The following HS6ST3 variants were observed in gnomAD, a reference collection of about 807,000 sequenced individuals.
HS6ST3 encodes heparan sulfate 6-O-sulfotransferase 3, also known as heparan-sulfate 6-O-sulfotransferase 3.
Under a neutral mutation model 36.7 loss-of-function variants are expected in HS6ST3, and 12 were observed. The ratio of observed to expected loss-of-function variants is 0.33; its 90% CI spans 0.21 to 0.53. HS6ST3 has a LOEUF of 0.53. HS6ST3 is among the 20% of genes least tolerant of loss of function. The pLI is 0.95. For missense variants in HS6ST3, 584 were observed against 640.9 expected, an observed-to-expected ratio of 0.91 and a Z score of 0.96; for synonymous variants, 240 against 257.5, an observed-to-expected ratio of 0.93 and a Z score of 0.65.
At chr13:96,215,354 G>GA (rs2054419679) in intron 1 of HS6ST3, among the ~76,000 whole-genome samples, 1 of 152,196 alleles carries the variant, frequency 6.6e-6, no homozygotes, top group African/African-American at 2.4e-5. Flanking sequence ...AGCTTGGAGA[G>GA]AAAATCATTG....
chr13:96,185,525 C>T (rs983357007), intron 1 of HS6ST3, among the ~76,000 whole-genome samples: 3 of 152,200 alleles, frequency 2.0e-5, no homozygotes, highest in Non-Finnish European at 4.4e-5. Context: ...TGTGCCACAG[C>T]TGAGGGCAGA....
chr13:96,273,696 C>A (rs139551830), intron 1 of HS6ST3, among the ~76,000 whole-genome samples: 3 of 150,328 alleles, frequency 2.0e-5, no homozygotes, highest in Non-Finnish European at 4.4e-5. Flanking sequence ...GTGCAAGTAT[C>A]GGTTAGGTTT....
At chr13:96,117,348 T>C (rs571335996) in intron 1 of HS6ST3, among the ~76,000 whole-genome samples, 1 of 152,192 alleles carries the variant, frequency 6.6e-6, no homozygotes, top group South Asian at 2.1e-4. Flanking sequence ...ATAACAAAAA[T>C]CATAATAAGT....
chr13:96,641,085 G>T (rs1017366355), intron 1 of HS6ST3, among the ~76,000 whole-genome samples: 2 of 151,834 alleles, frequency 1.3e-5, no homozygotes, highest in Admixed American at 1.3e-4. Context: ...TCCTAGTTAT[G>T]TGTGAAATAA....
At chr13:96,793,800 C>A (rs1002261990) in intron 1 of HS6ST3, among the ~76,000 whole-genome samples, 4 of 151,970 alleles carry the variant, frequency 2.6e-5, no homozygotes, top group African/African-American at 9.7e-5. Flanking sequence ...TTAGAGTCTG[C>A]TACATCCTGG....
chr13:96,810,623 G>C (rs541975382), intron 1 of HS6ST3, among the ~76,000 whole-genome samples: 1 of 152,346 alleles, frequency 6.6e-6, no homozygotes, highest in East Asian at 1.9e-4. Flanking sequence ...GTTCAAGTAA[G>C]TGGTGTCAAA....
intron 1 of HS6ST3, among the ~76,000 whole-genome samples, chr13:96,395,915 G>A (rs1000609343): frequency 6.6e-6 from 1 of 151,926 alleles, no homozygotes; most frequent in South Asian, 2.1e-4. Flanking sequence ...AGAAAGAGGT[G>A]GAAGAATGAA....
At chr13:96,764,570 A>G (rs908208067) in intron 1 of HS6ST3, among the ~76,000 whole-genome samples, 2 of 152,232 alleles carry the variant, frequency 1.3e-5, no homozygotes, top group Non-Finnish European at 2.9e-5. Flanking sequence ...GTAGATGGGC[A>G]GGATGGTCTT....
chr13:96,775,962 C>G (rs1437077726), intron 1 of HS6ST3, among the ~76,000 whole-genome samples: 2 of 151,978 alleles, frequency 1.3e-5, no homozygotes, highest in Non-Finnish European at 2.9e-5. Context: ...TCAGCAAGTG[C>G]AAAAGAATGG....
In HS6ST3 at chr13:96,136,682, C is replaced by CATATATATAT. The variant is rs56247662; in HGVS notation, c.707+45141_707+45150dup. Among the ~76,000 whole-genome samples the CATATATATAT allele has an allele frequency of 9.1e-3, 1,186 of 130,160 alleles. 20 individuals carry two copies. The highest frequency in any genetic ancestry group is 0.011 in the Non-Finnish European group (683 of 61,006). The allele number at this position is 130,160 out of a possible 152,430, so 85.4% of individuals were successfully genotyped here. A position where few individuals can be genotyped will look rare whatever the true frequency, so the allele number is the denominator to read the frequency against. ...AGGTATACAGCATGATGTTATGAAACATATATATATATATATATATATATA... is the reference window on the plus strand; with the variant it reads ...AGGTATACAGCATGATGTTATGAAACATATATATATATATATATATATATATATATATATA... On this transcript the variant is annotated intron_variant, in intron 1 of 1. Transcript: ENST00000376705.
At chr13:96,353,278 A>G (rs7999958) in intron 1 of HS6ST3, among the ~76,000 whole-genome samples, 44,538 of 151,546 alleles carry the variant, frequency 0.29, 8,079 homozygotes, top group Non-Finnish European at 0.4. Flanking sequence ...TCTTAAATCT[A>G]CAGTAATGAA....
intron 1 of HS6ST3, among the ~76,000 whole-genome samples, chr13:96,556,559 T>A (rs1352302457): frequency 6.6e-6 from 1 of 152,184 alleles, no homozygotes; most frequent in East Asian, 1.9e-4. Flanking sequence ...GAACTCATGA[T>A]GTTTACATTT....
chr13:96,353,536 A>G (rs1277971785), intron 1 of HS6ST3, among the ~76,000 whole-genome samples: 2 of 152,162 alleles, frequency 1.3e-5, no homozygotes, highest in Admixed American at 6.5e-5. Flanking sequence ...GAATGAAAGT[A>G]TTAGAAGAAA....
intron 1 of HS6ST3, among the ~76,000 whole-genome samples, chr13:96,772,426 C>T (rs1877286397): frequency 6.6e-6 from 1 of 152,076 alleles, no homozygotes; most frequent in Non-Finnish European, 1.5e-5. Flanking sequence ...GAAGATGGGC[C>T]CCAGAATAAA....
intron 1 of HS6ST3, among the ~76,000 whole-genome samples, chr13:96,281,500 T>TAATG (rs139274158): frequency 0.017 from 2,572 of 152,264 alleles, 48 homozygotes; most frequent in East Asian, 0.078. Context: ...GTAGTACAGG[T>TAATG]AATGCCTCTC....
chr13:96,416,744 A>G (rs1391817418), intron 1 of HS6ST3, among the ~76,000 whole-genome samples: 5 of 149,626 alleles, frequency 3.3e-5, no homozygotes, highest in Non-Finnish European at 7.4e-5. Flanking sequence ...GCAGAGGCAT[A>G]GGGTAACATT....
chr13:96,476,896 T>C (rs6491296), intron 1 of HS6ST3, among the ~76,000 whole-genome samples: 127,815 of 152,144 alleles, frequency 0.84, 54,382 homozygotes, highest in Non-Finnish European at 0.91. Flanking sequence ...CTAAATAATT[T>C]AGAACATTTT....
chr13:96,133,976 G>A (rs2053989227), intron 1 of HS6ST3, among the ~76,000 whole-genome samples: 1 of 151,908 alleles, frequency 6.6e-6, no homozygotes, highest in Non-Finnish European at 1.5e-5. Flanking sequence ...TGAGGCAAAG[G>A]TCCAATTTCA....
intron 1 of HS6ST3, among the ~76,000 whole-genome samples, chr13:96,808,700 C>T (rs9516759): frequency 0.075 from 11,443 of 152,080 alleles, 470 homozygotes; most frequent in Middle Eastern, 0.15. Context: ...GCAGAAGCCA[C>T]AAGTAGGTAA....
Sources: allele counts gnomAD v4.1 joint callset (sites outside exome capture counted in the v4.1 genomes callset), GRCh38; gene constraint gnomAD v4.1.1; transcripts MANE v1.5; gene names NCBI Gene and HGNC (gene_info 2026-07-23, HGNC 2026-07-21).